Variants in NPLOC4 observed in about 807,000 individuals in gnomAD.
NPLOC4 encodes the protein NPL4 homolog, ubiquitin recognition factor.
In NPLOC4, 18 loss-of-function variants were observed where a neutral mutation model predicts 80.6. That is an observed-to-expected ratio of 0.22 (90% CI 0.15 to 0.33). NPLOC4 has a LOEUF of 0.33. NPLOC4 is among the 10% of genes least tolerant of loss of function. The pLI, the probability that NPLOC4 is intolerant of heterozygous loss-of-function variation, is 1.00. For synonymous variants in NPLOC4, 313 were observed against 301.5 expected (o/e 1.04, Z -0.39); for missense variants, 540 against 786.1 (o/e 0.69, Z 3.74).
chr17:81,594,573 A>G (rs1055172468), intron 11 of NPLOC4, among the ~76,000 whole-genome samples: 1 of 152,008 alleles, frequency 6.6e-6, no homozygotes, highest in Non-Finnish European at 1.5e-5. Flanking sequence ...CAGGAGATCG[A>G]GACCATCCTG....
In NPLOC4 at chr17:81,604,663, A is replaced by T. The variant is rs1429389742; in HGVS notation, c.719T>A (p.Phe240Tyr). Reference protein sequence around the residue: ...NHTVADRFLDFWRKTGNQHFG... With the variant: ...NHTVADRFLDYWRKTGNQHFG... ...ATGCTGGTTCCCTGTCTTTCTCCAG[A>T]AGTCAAGAAAGCGGTCAGCGACGGT... is the stretch of plus-strand genomic sequence containing the variant. Residue 240 changes from phenylalanine (F) to tyrosine (Y), a missense_variant, in exon 8 of 17, where the codon TTC (phenylalanine) becomes TAC (tyrosine). Physicochemically the swap from Phe to Tyr is conservative, Grantham distance 22. Coordinates refer to ENST00000331134, the MANE Select transcript of NPLOC4 (RefSeq NM_017921.4). 1 of 1,613,734 alleles carries T rather than the reference A, an allele frequency of 6.2e-7. No homozygotes were observed. Among genetic ancestry groups the T allele is most frequent in the East Asian group, 2.2e-5 (1 of 44,904 alleles).
intron 11 of NPLOC4, among the ~76,000 whole-genome samples, chr17:81,591,447 GAA>G (rs71367067): frequency 6.2e-4 from 47 of 76,326 alleles, no homozygotes; most frequent in East Asian, 9.3e-4. Flanking sequence ...GAGTAAAACA[GAA>G]AAAAAAAAAA....
intron 3 of NPLOC4, among the ~76,000 whole-genome samples, chr17:81,619,228 T>A (rs1187759112): frequency 2.7e-5 from 4 of 148,740 alleles, no homozygotes; most frequent in African/African-American, 7.4e-5. Flanking sequence ...ACACAAAAAA[T>A]TAGCCGGGCA....
At chr17:81,617,254 G>A (rs9747093) in intron 3 of NPLOC4, among the ~76,000 whole-genome samples, 80,369 of 151,262 alleles carry the variant, frequency 0.53, 22,190 homozygotes, top group East Asian at 0.77. Flanking sequence ...GATTTAGGGG[G>A]AAAAAAAATC....
intron 2 of NPLOC4, among the ~76,000 whole-genome samples, chr17:81,625,489 A>T (rs1488191739): frequency 6.6e-6 from 1 of 152,240 alleles, no homozygotes; most frequent in East Asian, 1.9e-4. Flanking sequence ...ATAAAAGAAC[A>T]ATCAAATGGA....
Position 81,567,625 on chromosome 17 carries a change from T to A in NPLOC4, c.1450-92A>T, listed in dbSNP as rs1598618185. On this transcript the variant is annotated intron_variant, in intron 14 of 16. Coordinates refer to ENST00000331134, the MANE Select transcript of NPLOC4 (RefSeq NM_017921.4). The surrounding 1 kb of genome is among the most constrained non-coding windows in gnomAD (Gnocchi z 4.5). The stretch of plus-strand genomic sequence containing the variant: ...TGTTTCCTACTAAGACGCAACTCAA[T>A]ACACTGAATGCTGAGACACCTCTCC... The A allele has an allele frequency of 9.5e-6, 7 of 733,924 alleles. No homozygotes were observed. The East Asian group carries it at 1.9e-4, about 20-fold the overall frequency. The allele number at this position is 733,924 out of a possible 1,614,324, so 45.5% of individuals were successfully genotyped here.
intron 4 of NPLOC4, 179 bp downstream of exon 4, chr17:81,613,139 A>AAAAC: frequency 2.2e-5 from 12 of 551,538 alleles, no homozygotes; most frequent in Middle Eastern, 3.8e-4. Context: ...AAAAAAAAAA[A>AAAAC]CAAAAACCGA....
chr17:81,635,963 A>C (rs62074748), intron 1 of NPLOC4, among the ~76,000 whole-genome samples: 40 of 150,976 alleles, frequency 2.6e-4, no homozygotes, highest in South Asian at 2.1e-4. Context: ...GTTAAGGAGG[A>C]GTGTGTGACA....
chr17:81,636,967 C>T lies in NPLOC4; in HGVS notation c.-37G>A, dbSNP rs752326409. ...CTGCCTCCGGGCTCGAGCCCCGGGC[C>T]GCCGCCGCCTGCCGCCCCAAGGGCC... On this transcript the variant is annotated 5_prime_UTR_variant, in exon 1 of 17. Coordinates refer to ENST00000331134, the MANE Select transcript of NPLOC4 (RefSeq NM_017921.4). 2.4e-6 allele frequency: 3 copies of T among 1,250,746 alleles called. No homozygotes were observed. Among genetic ancestry groups the T allele is most frequent in the South Asian group, 5.5e-5 (2 of 36,170 alleles). 77.5% of individuals were successfully genotyped at this position (1,250,746 alleles called of 1,614,324 possible). A position where few individuals can be genotyped will look rare whatever the true frequency, so the allele number is the denominator to read the frequency against.
At chr17:81,633,655 C>T (rs184130861) in intron 1 of NPLOC4, among the ~76,000 whole-genome samples, 2 of 152,142 alleles carry the variant, frequency 1.3e-5, no homozygotes, top group South Asian at 2.1e-4. Flanking sequence ...AAGACTAGAA[C>T]GCTTCTTGGG....
At chr17:81,566,478 C>G (rs1459032811) in intron 15 of NPLOC4, 1 of 152,232 alleles carries the variant, frequency 6.6e-6, no homozygotes, top group African/African-American at 2.4e-5. Context: ...CACCTTTCAC[C>G]ACCTGTCCAG....
intron 6 of NPLOC4, among the ~76,000 whole-genome samples, chr17:81,607,131 C>T (rs1184669785): frequency 1.3e-5 from 2 of 152,212 alleles, no homozygotes; most frequent in Admixed American, 6.5e-5. Flanking sequence ...AGAATATCTA[C>T]TGATCTCACC....
chr17:81,592,339 G>A (rs971623701), intron 11 of NPLOC4, among the ~76,000 whole-genome samples: 9 of 152,200 alleles, frequency 5.9e-5, no homozygotes, highest in South Asian at 2.1e-4. Context: ...ACCTTCATCC[G>A]AGCTGTAGTG....
At position 81,567,566 on chromosome 17, in the gene NPLOC4, T is replaced by C; in HGVS notation, c.1450-33A>G. The C allele has an allele frequency of 2.2e-6, 3 of 1,365,712 alleles. No homozygotes were observed. The highest frequency in any genetic ancestry group is 1.8e-5 in the Admixed American group (1 of 55,616). 84.6% of individuals were successfully genotyped at this position (1,365,712 alleles called of 1,614,324 possible). ...AATGGGAATAAACATGAATGTTCCATACAGTTCCCCAGTGCCAGACCCCGA... is the reference window on the plus strand; with the variant it reads ...AATGGGAATAAACATGAATGTTCCACACAGTTCCCCAGTGCCAGACCCCGA... On this transcript the variant is annotated intron_variant, in intron 14 of 16. Transcript: ENST00000331134. This position sits in a 1 kb window ranked among gnomAD's most constrained non-coding sequence, Gnocchi z 4.5.
At chr17:81,601,228 G>T (rs2035049822) in intron 8 of NPLOC4, among the ~76,000 whole-genome samples, 1 of 152,206 alleles carries the variant, frequency 6.6e-6, no homozygotes, top group African/African-American at 2.4e-5. Context: ...CTCAAATTGA[G>T]TTACAGTAAC....
intron 4 of NPLOC4, 129 bp downstream of exon 4, chr17:81,613,189 T>C (rs768146118): frequency 2.4e-4 from 171 of 711,796 alleles, no homozygotes; most frequent in Non-Finnish European, 3.0e-4. Context: ...AATCTGAAGA[T>C]AGTAAAACTT....
intron 10 of NPLOC4, 81 bp downstream of exon 10, chr17:81,597,164 C>T (rs1365592927): frequency 2.1e-6 from 2 of 970,870 alleles, no homozygotes; most frequent in Admixed American, 2.0e-5. Flanking sequence ...ACCAGCGGTG[C>T]AAAGAGACCC....
At chr17:81,633,692 T>A (rs2035989241) in intron 1 of NPLOC4, among the ~76,000 whole-genome samples, 2 of 152,220 alleles carry the variant, frequency 1.3e-5, no homozygotes. Flanking sequence ...TGAGATACAG[T>A]TAAATCCACA....
At position 81,567,017 on chromosome 17, in the gene NPLOC4, A is replaced by T. The variant is rs2034031246; in HGVS notation, c.1566+400T>A. The T allele has an allele frequency of 5.4e-6, 1 of 184,126 alleles. No individual in the cohort carries two copies. Among genetic ancestry groups the T allele is most frequent in the African/African-American group, 2.4e-5 (1 of 42,210 alleles). 11.4% of individuals were successfully genotyped at this position (184,126 alleles called of 1,614,324 possible). Reference sequence around the variant, plus strand: ...AAGGCAATAAAACCAGAGTTGATTTAGGAGGAGGGGAGATATGAGTAAAAA... The same window carrying T: ...AAGGCAATAAAACCAGAGTTGATTTTGGAGGAGGGGAGATATGAGTAAAAA... On this transcript the variant is annotated intron_variant, in intron 15 of 16. Transcript: ENST00000331134. The surrounding 1 kb of genome is among the most constrained non-coding windows in gnomAD (Gnocchi z 4.5).
Sources: gnomAD v4.1 joint callset for allele counts (sites outside exome capture counted in the v4.1 genomes callset) on GRCh38, gnomAD v4.1.1 for gene constraint, Gnocchi (gnomAD v3.1) non-coding constraint, MANE v1.5 for transcripts, NCBI Gene and HGNC (gene_info 2026-07-23, HGNC 2026-07-21) for gene names.